The following BICRA variants were observed in gnomAD, a reference collection of about 807,000 sequenced individuals.
BICRA encodes BRD4-interacting chromatin-remodeling complex-associated protein.
Under a neutral mutation model 96.9 loss-of-function variants are expected in BICRA, and 31 were observed. The ratio of observed to expected loss-of-function variants is 0.32; its 90% confidence interval spans 0.24 to 0.43. The LOEUF (loss-of-function observed/expected upper bound fraction) is 0.43, where lower values mean the gene tolerates loss of function less well. Among genes scored for constraint, BICRA ranks in the 20% least tolerant of loss-of-function variants. The probability of loss-of-function intolerance (pLI) is 1.00; values close to 1 mark genes in which losing one functional copy is unlikely to be tolerated. For missense variants in BICRA, 2,283 were observed against 2,190.3 expected (o/e 1.04, Z -0.84); for synonymous variants, 1,350 against 1,071.8 (o/e 1.26, Z -5.07).
chr19:47,653,978 G>A (rs1385512804), intron 1 of BICRA, among the ~76,000 whole-genome samples: 4 of 152,062 alleles, frequency 2.6e-5, no homozygotes, highest in South Asian at 4.2e-4. Context: ...TATTACAAGC[G>A]TGAGCCACCG....
At chr19:47,683,140 A>G (rs1443295165) in intron 7 of BICRA, among the ~76,000 whole-genome samples, 1 of 152,310 alleles carries the variant, frequency 6.6e-6, no homozygotes, top group East Asian at 1.9e-4. Context: ...TTGTAGGGTA[A>G]GTTCTTCAAA....
chr19:47,700,965 CAG>C (rs1487949720), intron 14 of BICRA: 2 of 306,906 alleles, frequency 6.5e-6, no homozygotes, highest in African/African-American at 2.2e-5. Context: ...TTTGTAGAGA[CAG>C]GGGTCTCACT....
rs537105084 is a variant in BICRA, at chr19:47,634,476, C to T, written c.-108+25308C>T. 3.3e-5 allele frequency among the ~76,000 whole-genome samples: 5 copies of T among 152,250 alleles called. No homozygotes were observed. In the South Asian group the frequency reaches 1.0e-3, roughly 32 times the overall value. ...CGCCAGAAGGGGTTTCACTCACTTT[C>T]TCTCCCCCTTGATCACTGGCACGCT... On this transcript the variant is annotated intron_variant, in intron 1 of 14. Transcript: ENST00000594866.
chr19:47,694,854 A>G, intron 8 of BICRA, 46 bp from the exon 9 acceptor site: 1 of 1,377,552 alleles, frequency 7.3e-7, no homozygotes, highest in Non-Finnish European at 9.8e-7. Context: ...ACACCCCTAC[A>G]CCTAGCCTAT....
intron 1 of BICRA, among the ~76,000 whole-genome samples, chr19:47,640,229 A>G (rs1019552522): frequency 1.3e-5 from 2 of 152,198 alleles, no homozygotes; most frequent in Non-Finnish European, 1.5e-5. Context: ...GGGATGTGAC[A>G]TGAACAAGTC....
At chr19:47,667,059 C>T (rs1487012844) in intron 1 of BICRA, among the ~76,000 whole-genome samples, 1 of 150,704 alleles carries the variant, frequency 6.6e-6, no homozygotes, top group African/African-American at 2.4e-5. Context: ...TGCTCTGTCG[C>T]CCAGGCTGGA....
At chr19:47,668,868 C>T (rs1599837425) in intron 1 of BICRA, among the ~76,000 whole-genome samples, 1 of 149,458 alleles carries the variant, frequency 6.7e-6, no homozygotes, top group African/African-American at 2.5e-5. Context: ...TCCTGTAATC[C>T]CAACACTCTG....
chr19:47,672,358 G>A (rs556064033), intron 2 of BICRA, among the ~76,000 whole-genome samples: 74 of 148,670 alleles, frequency 5.0e-4, no homozygotes, highest in African/African-American at 1.8e-3. Context: ...TGGATGGAAG[G>A]ATGGAGGATG....
chr19:47,643,008 G>A (rs1972406136), intron 1 of BICRA, among the ~76,000 whole-genome samples: 3 of 152,112 alleles, frequency 2.0e-5, no homozygotes, highest in African/African-American at 7.2e-5. Context: ...ACGGAGTCTC[G>A]CTCCAGGCTG....
At chr19:47,627,371 C>T (rs1413160246) in intron 1 of BICRA, among the ~76,000 whole-genome samples, 1 of 152,076 alleles carries the variant, frequency 6.6e-6, no homozygotes, top group Non-Finnish European at 1.5e-5. Flanking sequence ...GCTAGAGAGG[C>T]CTACTTCCTC....
chr19:47,631,274 C>T (rs985041976), intron 1 of BICRA, among the ~76,000 whole-genome samples: 1 of 152,116 alleles, frequency 6.6e-6, no homozygotes, highest in Non-Finnish European at 1.5e-5. Flanking sequence ...GTCACCCAGG[C>T]TGGAGTGCAG....
intron 1 of BICRA, among the ~76,000 whole-genome samples, chr19:47,656,132 T>C (rs1385829405): frequency 6.8e-6 from 1 of 146,990 alleles, no homozygotes; most frequent in Non-Finnish European, 1.5e-5. Context: ...TAAGTAAATT[T>C]TAGAATTAGC....
Position 47,702,481 on chromosome 19 carries a change from C to T in BICRA, c.*66C>T, listed in dbSNP as rs1292097253. Reference sequence around the variant, plus strand: ...ACGCCGGGACAGTCGGGTGTCCGCCCTCAGCCTCCTGGGGACTCGAGCCGG... The same window carrying T: ...ACGCCGGGACAGTCGGGTGTCCGCCTTCAGCCTCCTGGGGACTCGAGCCGG... On this transcript the variant is annotated 3_prime_UTR_variant, in exon 15 of 15. Transcript: ENST00000594866. The T allele has an allele frequency of 1.0e-5, 14 of 1,402,636 alleles. No individual in the cohort carries two copies. Among genetic ancestry groups the T allele is most frequent in the South Asian group, 1.6e-5 (1 of 64,490 alleles). The allele number at this position is 1,402,636 out of a possible 1,614,324, so 86.9% of individuals were successfully genotyped here.
intron 1 of BICRA, among the ~76,000 whole-genome samples, chr19:47,669,959 T>A (rs1478379394): frequency 6.6e-6 from 1 of 150,564 alleles, no homozygotes; most frequent in Non-Finnish European, 1.5e-5. Flanking sequence ...CCCGGACAGA[T>A]TTTTTTATTT....
At chr19:47,624,395 G>A (rs1972109881) in intron 1 of BICRA, among the ~76,000 whole-genome samples, 1 of 152,134 alleles carries the variant, frequency 6.6e-6, no homozygotes, top group African/African-American at 2.4e-5. Flanking sequence ...ACAATAGAGC[G>A]AGCCACACAC....
intron 1 of BICRA, among the ~76,000 whole-genome samples, chr19:47,644,692 G>A (rs1972434174): frequency 6.6e-6 from 1 of 151,998 alleles, no homozygotes; most frequent in South Asian, 2.1e-4. Flanking sequence ...GTAGAGATGA[G>A]GTTTTGCTAT....
chr19:47,624,876 C>T (rs1447781762), intron 1 of BICRA, among the ~76,000 whole-genome samples: 2 of 151,594 alleles, frequency 1.3e-5, no homozygotes, highest in East Asian at 3.9e-4. Flanking sequence ...TAAGTTTTTG[C>T]AGAGATGAGG....
Position 47,698,795 on chromosome 19 carries a change from C to G in BICRA, c.3397+13C>G. 6.3e-7 allele frequency: 1 copy of G among 1,586,594 alleles called. No homozygotes were observed. Among genetic ancestry groups the G allele is most frequent in the Non-Finnish European group, 8.6e-7 (1 of 1,164,846 alleles). ...GACTACCACAAAGGTGAGGCCTCCC[C>G]AGGACACGGCCCTATATGTCCCAGG... On this transcript the variant is annotated intron_variant, in intron 12 of 14. Transcript: ENST00000594866. The surrounding 1 kb of genome is among the most constrained non-coding windows in gnomAD (Gnocchi z 4.8).
intron 1 of BICRA, among the ~76,000 whole-genome samples, chr19:47,624,992 C>CTTTTT (rs35273886): frequency 3.6e-4 from 21 of 57,922 alleles, no homozygotes; most frequent in African/African-American, 6.7e-4. Context: ...CTGCACCTGG[C>CTTTTT]TTTTTTTTTT....
Sources: gnomAD v4.1 joint callset for allele counts (sites outside exome capture counted in the v4.1 genomes callset) on GRCh38, gnomAD v4.1.1 for gene constraint, Gnocchi (gnomAD v3.1) non-coding constraint, MANE v1.5 for transcripts, NCBI Gene and HGNC (gene_info 2026-07-23, HGNC 2026-07-21) for gene names.